The following SPAG16 variants were observed in gnomAD, a reference collection of about 807,000 sequenced individuals.
SPAG16 encodes the protein sperm associated antigen 16, also known as sperm-associated antigen 16 protein.
Under a neutral mutation model 80.4 loss-of-function variants are expected in SPAG16, and 86 were observed. That is an observed-to-expected ratio of 1.07 (90% CI 0.90 to 1.28). SPAG16 has a LOEUF of 1.28. Ranked by LOEUF, SPAG16 falls within the 50% of genes most tolerant of loss-of-function variation. The pLI, the probability that SPAG16 is intolerant of heterozygous loss-of-function variation, is 0.00. For synonymous variants in SPAG16, 294 were observed against 265.9 expected, an observed-to-expected ratio of 1.11 and a Z score of -1.03; for missense variants, 870 against 765.3, an observed-to-expected ratio of 1.14 and a Z score of -1.61.
intron 10 of SPAG16, among the ~76,000 whole-genome samples, chr2:213,695,334 G>A (rs867966865): frequency 1.3e-5 from 2 of 152,152 alleles, no homozygotes; most frequent in Admixed American, 6.5e-5. Flanking sequence ...TTTAAAAAGT[G>A]CTATGTTCAG....
chr2:214,267,246 T>C (rs775912774), intron 15 of SPAG16, among the ~76,000 whole-genome samples: 4 of 151,740 alleles, frequency 2.6e-5, no homozygotes, highest in African/African-American at 4.8e-5. Context: ...TTTCAAAATA[T>C]GTTACAAACC....
chr2:214,177,934 T>TATATATATA (rs2057161683), intron 15 of SPAG16, among the ~76,000 whole-genome samples: 1 of 126,236 alleles, frequency 7.9e-6, no homozygotes, highest in Non-Finnish European at 1.7e-5. Context: ...TATATATATA[T>TATATATATA]GGCCAGAATT....
intron 10 of SPAG16, among the ~76,000 whole-genome samples, chr2:213,715,663 T>C (rs555586085): frequency 6.6e-6 from 1 of 152,328 alleles, no homozygotes; most frequent in Admixed American, 6.5e-5. Context: ...CAATTAATGC[T>C]AGCCATCTTT....
chr2:214,363,466 T>C (rs1204157544), intron 15 of SPAG16, among the ~76,000 whole-genome samples: 1 of 152,074 alleles, frequency 6.6e-6, no homozygotes, highest in African/African-American at 2.4e-5. Context: ...ATTATTTTAA[T>C]GTTGATGTGT....
chr2:213,607,941 C>T (rs1464959028), intron 10 of SPAG16, among the ~76,000 whole-genome samples: 1 of 152,134 alleles, frequency 6.6e-6, no homozygotes, highest in Non-Finnish European at 1.5e-5. Flanking sequence ...GCTTTCTGGA[C>T]TTCAATCCAT....
At chr2:213,389,489 T>G (rs951175377) in intron 9 of SPAG16, among the ~76,000 whole-genome samples, 1 of 152,088 alleles carries the variant, frequency 6.6e-6, no homozygotes, top group Non-Finnish European at 1.5e-5. Context: ...GGAGAAAATA[T>G]CTGTAATCAT....
At chr2:213,513,516 T>C (rs1222484211) in intron 10 of SPAG16, among the ~76,000 whole-genome samples, 1 of 152,170 alleles carries the variant, frequency 6.6e-6, no homozygotes, top group Non-Finnish European at 1.5e-5. Flanking sequence ...TGGTGACCCA[T>C]GGAATCTCAG....
chr2:214,061,997 A>ACG, intron 13 of SPAG16, among the ~76,000 whole-genome samples: 1 of 146,918 alleles, frequency 6.8e-6, no homozygotes, highest in African/African-American at 2.6e-5. Context: ...ACACACACAC[A>ACG]CACACACACA....
intron 15 of SPAG16, among the ~76,000 whole-genome samples, chr2:214,355,327 A>G (rs201468052): frequency 3.9e-3 from 3 of 760 alleles, no homozygotes; most frequent in African/African-American, 0.011. Context: ...ATTTACAAGA[A>G]AAAAAAAAAA....
At chr2:213,759,199 C>T (rs1233437110) in intron 10 of SPAG16, among the ~76,000 whole-genome samples, 2 of 152,022 alleles carry the variant, frequency 1.3e-5, no homozygotes, top group African/African-American at 4.8e-5. Context: ...AGACACTAGA[C>T]AGTAACTTGA....
chr2:213,468,480 GATAT>G (rs1187436292), intron 9 of SPAG16, among the ~76,000 whole-genome samples: 1 of 100,526 alleles, frequency 9.9e-6, no homozygotes, highest in African/African-American at 5.5e-5. Flanking sequence ...TTTATATATA[GATAT>G]ATATATGTAT....
In SPAG16 at chr2:213,704,579, A is replaced by C. The variant is rs554144301; in HGVS notation, c.1071-157906A>C. Among the ~76,000 whole-genome samples the C allele has an allele frequency of 1.7e-4, 26 of 152,290 alleles. 2 individuals carry two copies. The highest frequency in any genetic ancestry group is 6.0e-4 in the African/African-American group (25 of 41,552). On this transcript the variant is annotated intron_variant, in intron 10 of 15. Transcript: ENST00000331683. ...AGTAGGCACCCCACAAATGTTAACC[A>C]CTATGATTACTTATTCATTTTCAAA...
At chr2:214,240,733 A>G (rs1190581776) in intron 15 of SPAG16, 1 of 152,230 alleles carries the variant, frequency 6.6e-6, no homozygotes, top group Non-Finnish European at 1.5e-5. Context: ...TATAATGCAA[A>G]TCAGTCATCA....
intron 10 of SPAG16, among the ~76,000 whole-genome samples, chr2:213,586,298 A>G (rs1270025441): frequency 6.6e-6 from 1 of 152,240 alleles, no homozygotes. Context: ...GGATTGGACC[A>G]TGAGCAAGGT....
chr2:214,234,080 C>CA (rs201861934), intron 15 of SPAG16, among the ~76,000 whole-genome samples: 15 of 147,372 alleles, frequency 1.0e-4, no homozygotes, highest in Non-Finnish European at 1.7e-4. Context: ...TGTTTCCCCC[C>CA]CCATGTGTCC....
At chr2:213,345,030 T>C (rs540102548) in intron 6 of SPAG16, among the ~76,000 whole-genome samples, 118 of 150,620 alleles carry the variant, frequency 7.8e-4, no homozygotes, top group African/African-American at 2.8e-3. Flanking sequence ...CTCCACATCC[T>C]CTCCAGCACC....
At chr2:214,046,146 A>G (rs1183933621) in intron 13 of SPAG16, among the ~76,000 whole-genome samples, 1 of 152,228 alleles carries the variant, frequency 6.6e-6, no homozygotes, top group Non-Finnish European at 1.5e-5. Flanking sequence ...CCAAGATTGA[A>G]CCATGAAGAA....
intron 10 of SPAG16, among the ~76,000 whole-genome samples, chr2:213,776,609 G>C (rs568058726): frequency 6.6e-6 from 1 of 152,284 alleles, no homozygotes; most frequent in African/African-American, 2.4e-5. Flanking sequence ...ATTTGTAAAA[G>C]TTGTGAGGGT....
chr2:213,888,639 T>C (rs1039122328), intron 11 of SPAG16, among the ~76,000 whole-genome samples: 1 of 151,818 alleles, frequency 6.6e-6, no homozygotes, highest in Non-Finnish European at 1.5e-5. Context: ...CTAATAATGA[T>C]AGAGCTGGAA....
Sources: gnomAD v4.1 joint callset for allele counts (sites outside exome capture counted in the v4.1 genomes callset) on GRCh38, gnomAD v4.1.1 for gene constraint, MANE v1.5 for transcripts, NCBI Gene and HGNC (gene_info 2026-07-23, HGNC 2026-07-21) for gene names.